Variants in CLEC16A observed in about 807,000 individuals in gnomAD.
CLEC16A encodes the protein C-type lectin domain containing 16A.
A neutral mutation model predicts 109.5 loss-of-function variants in CLEC16A; 51 were observed. The observed-to-expected ratio is 0.47, with a 90% CI of 0.37 to 0.59. CLEC16A has a LOEUF of 0.59. Among genes scored for constraint, CLEC16A ranks in the 20% least tolerant of loss-of-function variants. The probability of loss-of-function intolerance (pLI) is 0.00; values close to 1 mark genes in which losing one functional copy is unlikely to be tolerated. For synonymous variants in CLEC16A, 673 were observed against 564.2 expected (o/e 1.19, Z -2.73); for missense variants, 1,339 against 1,394.0 (o/e 0.96, Z 0.63).
At chr16:10,981,898 G>A (rs1305997721) in intron 9 of CLEC16A, among the ~76,000 whole-genome samples, 8 of 152,190 alleles carry the variant, frequency 5.3e-5, no homozygotes, top group Admixed American at 5.2e-4. Flanking sequence ...GACCGAGGCT[G>A]GGGTGCTACT....
rs200175537 is a variant in CLEC16A, at chr16:11,178,562, C to T, written c.3034C>T (p.Pro1012Ser). The change falls in exon 24 of 24, where the codon CCA becomes TCA. Residue 1012 changes from proline (P) to serine (S), a missense_variant. Pro to Ser is a moderately conservative substitution (Grantham distance 74). Transcript: ENST00000409790. This position sits in a 1 kb window ranked among gnomAD's most constrained non-coding sequence, Gnocchi z 6.5. Reference sequence around the variant, plus strand: ...CGTCGAATCGCTGACCCTTGTCCCCCCAGTTGACCCCCACAGCCTCCGCAG... The same window carrying T: ...CGTCGAATCGCTGACCCTTGTCCCCTCAGTTGACCCCCACAGCCTCCGCAG... ...LSVESLTLVP[P>S]VDPHSLRSLT... 1.8e-5 allele frequency: 29 copies of T among 1,612,048 alleles called. No individual in the cohort carries two copies. The highest frequency in any genetic ancestry group is 2.2e-5 in the Non-Finnish European group (26 of 1,179,800).
chr16:11,074,219 G>GA lies in CLEC16A; in HGVS notation c.2116+13204dup, dbSNP rs1313063484. ...AGGCACCCTGAACTTGACAGATTGG[G>GA]AAAAAAATCAAGTTTCAGTTAAACC... is the stretch of plus-strand genomic sequence containing the variant. On this transcript the variant is annotated intron_variant, in intron 19 of 23. Transcript: ENST00000409790. Among the ~76,000 whole-genome samples, 6 of 151,986 alleles carry GA rather than the reference G, an allele frequency of 3.9e-5. No homozygotes were observed. In the East Asian group the frequency reaches 5.8e-4, roughly 15 times the overall value.
intron 10 of CLEC16A, among the ~76,000 whole-genome samples, chr16:10,985,758 C>A (rs543487269): frequency 6.6e-6 from 1 of 152,060 alleles, no homozygotes; most frequent in African/African-American, 2.4e-5. Context: ...GTCTCTGTCG[C>A]CCAGGCTGGA....
chr16:10,960,568 C>G (rs549005308), intron 2 of CLEC16A, among the ~76,000 whole-genome samples: 2 of 152,250 alleles, frequency 1.3e-5, no homozygotes, highest in East Asian at 3.9e-4. Context: ...CCAGGTTTCT[C>G]TACTATAAAG....
chr16:11,091,749 C>T (rs554369409), intron 19 of CLEC16A, among the ~76,000 whole-genome samples: 1 of 152,258 alleles, frequency 6.6e-6, no homozygotes, highest in African/African-American at 2.4e-5. Flanking sequence ...ACACAGCAGG[C>T]CTCTGATAGG....
chr16:11,033,445 G>T (rs745384302), intron 13 of CLEC16A, among the ~76,000 whole-genome samples: 7 of 152,196 alleles, frequency 4.6e-5, no homozygotes, highest in African/African-American at 1.7e-4. Context: ...GTGCCCTGAG[G>T]CCCAGGTGCC....
intron 19 of CLEC16A, among the ~76,000 whole-genome samples, chr16:11,082,839 C>T (rs74804478): frequency 1.3e-3 from 194 of 152,194 alleles, no homozygotes; most frequent in Middle Eastern, 3.4e-3. Context: ...TGTGTGTGGG[C>T]GTGGGGTTAT....
chr16:11,044,217 A>T, intron 16 of CLEC16A, 145 bp downstream of exon 16: 1 of 603,390 alleles, frequency 1.7e-6, no homozygotes, highest in East Asian at 3.3e-5. Context: ...TCAATTTCAT[A>T]GTCCCTAGAG....
At chr16:11,108,266 C>T (rs994287049) in intron 19 of CLEC16A, among the ~76,000 whole-genome samples, 2 of 152,258 alleles carry the variant, frequency 1.3e-5, no homozygotes, top group African/African-American at 4.8e-5. Flanking sequence ...GGAAGAGAAA[C>T]TCTCAAGGGT....
At chr16:11,166,334 G>GCCCT in intron 22 of CLEC16A, 54 bp from the exon 23 acceptor site, 1 of 1,520,116 alleles carries the variant, frequency 6.6e-7, no homozygotes, top group South Asian at 1.2e-5. Context: ...TGACATTGAG[G>GCCCT]CCCTCAGGCC....
chr16:11,116,980 A>G (rs1159902253), intron 19 of CLEC16A, among the ~76,000 whole-genome samples: 1 of 152,242 alleles, frequency 6.6e-6, no homozygotes, highest in Non-Finnish European at 1.5e-5. Flanking sequence ...GTACGTATAC[A>G]CTATGGAATA....
chr16:11,147,231 C>G (rs2054101297), intron 22 of CLEC16A, among the ~76,000 whole-genome samples: 1 of 152,184 alleles, frequency 6.6e-6, no homozygotes, highest in Non-Finnish European at 1.5e-5. Flanking sequence ...TCATCAATTT[C>G]CGCCCTGGCC....
At chr16:11,157,020 C>T (rs982019380) in intron 22 of CLEC16A, 9 of 1,271,856 alleles carry the variant, frequency 7.1e-6, no homozygotes, top group Non-Finnish European at 9.3e-6. Context: ...TCTAAGGGCA[C>T]AATTAGGACA....
chr16:11,157,273 G>A (rs2054569094), intron 22 of CLEC16A: 6 of 1,173,702 alleles, frequency 5.1e-6, no homozygotes, highest in Non-Finnish European at 5.4e-6. Flanking sequence ...GTCGCCCATG[G>A]TGGCAGCTCA....
intron 19 of CLEC16A, among the ~76,000 whole-genome samples, chr16:11,094,294 G>A (rs1206790522): frequency 6.6e-6 from 1 of 152,202 alleles, no homozygotes; most frequent in Admixed American, 6.5e-5. Flanking sequence ...GGGTTCCAGA[G>A]GCTTGACTCA....
At chr16:11,036,705 C>T (rs1448403420) in intron 13 of CLEC16A, among the ~76,000 whole-genome samples, 1 of 152,018 alleles carries the variant, frequency 6.6e-6, no homozygotes, top group Non-Finnish European at 1.5e-5. Context: ...ATGTGCACTA[C>T]ACCCAGCTAA....
intron 5 of CLEC16A, among the ~76,000 whole-genome samples, chr16:10,971,769 C>G (rs1439225845): frequency 6.6e-6 from 1 of 152,206 alleles, no homozygotes; most frequent in Non-Finnish European, 1.5e-5. Flanking sequence ...CCCCCACTCT[C>G]CGCTGCACTG....
intron 1 of CLEC16A, among the ~76,000 whole-genome samples, chr16:10,955,038 A>T (rs990432919): frequency 6.6e-6 from 1 of 152,202 alleles, no homozygotes; most frequent in Admixed American, 6.5e-5. Flanking sequence ...CCAGTGAGGA[A>T]GCCTTGACTG....
Position 10,969,324 on chromosome 16 carries a change from G to T in CLEC16A, c.492+15G>T. ...TTTATAATGAGGTAAGTAATTGCCAGAGGGGCACGTGTGGGTGTAAAGCCA... is the reference window on the plus strand; with the variant it reads ...TTTATAATGAGGTAAGTAATTGCCATAGGGGCACGTGTGGGTGTAAAGCCA... On this transcript the variant is annotated intron_variant, in intron 4 of 23. Coordinates refer to ENST00000409790, the MANE Select transcript of CLEC16A (RefSeq NM_015226.3). 6.3e-7 allele frequency: 1 copy of T among 1,583,922 alleles called. No individual in the cohort carries two copies. Among genetic ancestry groups the T allele is most frequent in the East Asian group, 2.3e-5 (1 of 44,292 alleles).
Sources: allele counts gnomAD v4.1 joint callset (sites outside exome capture counted in the v4.1 genomes callset), GRCh38; gene constraint gnomAD v4.1.1; non-coding constraint Gnocchi (gnomAD v3.1); transcripts MANE v1.5; gene names NCBI Gene and HGNC (gene_info 2026-07-23, HGNC 2026-07-21).